ZNF536: variants seen among roughly 807,000 people sequenced by gnomAD.
The protein encoded by ZNF536 is zinc finger protein 536.
Under a neutral mutation model 84.5 loss-of-function variants are expected in ZNF536, and 13 were observed. The observed-to-expected ratio is 0.15, with a 90% CI of 0.10 to 0.24. The LOEUF is 0.24. Among genes scored for constraint, ZNF536 ranks in the 10% least tolerant of loss-of-function variants. The pLI, the probability that ZNF536 is intolerant of heterozygous loss-of-function variation, is 1.00. For missense variants in ZNF536, 1,536 were observed against 1,747.5 expected (o/e 0.88, Z 2.16); for synonymous variants, 811 against 742.5 (o/e 1.09, Z -1.50).
rs1011037043 is a variant in ZNF536 at position 30,623,474 on chromosome 19, C to T, written c.169+73960C>T. ...TTGCCACTATGCCCTGGCTTTGAGT[C>T]TTGCTATCTCTTGGCTCTCTGCCTT... On this transcript the variant is annotated intron_variant, in intron 1 of 1. Coordinates refer to the ZNF536 transcript ENST00000592773. Among the ~76,000 whole-genome samples, 3 of 152,396 alleles carry T rather than the reference C, an allele frequency of 2.0e-5. No homozygotes were observed. The East Asian group carries it at 5.8e-4, about 29-fold the overall frequency.
At chr19:30,669,106 A>G (rs1343497686) in intron 1 of ZNF536, among the ~76,000 whole-genome samples, 1 of 152,208 alleles carries the variant, frequency 6.6e-6, no homozygotes, top group African/African-American at 2.4e-5. Flanking sequence ...GAGCCCAGCT[A>G]GATCATTCCT....
chr19:30,583,073 C>T (rs565384553), intron 1 of ZNF536, among the ~76,000 whole-genome samples: 1 of 152,258 alleles, frequency 6.6e-6, no homozygotes, highest in South Asian at 2.1e-4. Context: ...CTCACTAGCT[C>T]CTTGATTGAC....
intron 1 of ZNF536, among the ~76,000 whole-genome samples, chr19:30,274,772 T>C (rs1184356659): frequency 6.6e-6 from 1 of 152,200 alleles, no homozygotes; most frequent in African/African-American, 2.4e-5. Context: ...AAGCAGAATA[T>C]CAGCACAGCA....
chr19:30,452,088 C>T (rs551409544), intron 2 of ZNF536, among the ~76,000 whole-genome samples: 1 of 152,084 alleles, frequency 6.6e-6, no homozygotes, highest in Admixed American at 6.5e-5. Context: ...ACAAGGTGTC[C>T]CTTGATTGAT....
intron 2 of ZNF536, among the ~76,000 whole-genome samples, chr19:30,487,029 T>C (rs1415521119): frequency 6.6e-6 from 1 of 152,168 alleles, no homozygotes; most frequent in Non-Finnish European, 1.5e-5. Context: ...AAACTGAAAC[T>C]CCTGCCTGCC....
intron 1 of ZNF536, among the ~76,000 whole-genome samples, chr19:30,601,808 C>A (rs758133349): frequency 1.1e-4 from 16 of 152,208 alleles, no homozygotes; most frequent in Admixed American, 2.0e-4. Flanking sequence ...CCAAGCCCTG[C>A]AGTTTGCTTG....
intron 2 of ZNF536, among the ~76,000 whole-genome samples, chr19:30,462,648 T>G (rs1164554672): frequency 1.3e-5 from 2 of 151,954 alleles, no homozygotes; most frequent in Non-Finnish European, 2.9e-5. Context: ...GGGTGTGCAA[T>G]TATGTTGCTG....
intron 1 of ZNF536, among the ~76,000 whole-genome samples, chr19:30,699,931 G>T (rs996908340): frequency 1.1e-4 from 17 of 152,314 alleles, no homozygotes; most frequent in Non-Finnish European, 2.2e-4. Flanking sequence ...GGCCGGCGGG[G>T]CCCACTCTGG....
At chr19:30,323,333 C>T (rs997640917) in intron 2 of ZNF536, among the ~76,000 whole-genome samples, 2 of 152,240 alleles carry the variant, frequency 1.3e-5, no homozygotes, top group Non-Finnish European at 2.9e-5. Flanking sequence ...TACCCTTTCT[C>T]CTCGGGCACT....
At chr19:30,432,415 T>A (rs2051514530) in intron 1 of ZNF536, among the ~76,000 whole-genome samples, 1 of 152,134 alleles carries the variant, frequency 6.6e-6, no homozygotes, top group Non-Finnish European at 1.5e-5. Flanking sequence ...GGAAGCAGGA[T>A]CACTTCCAGC....
At chr19:30,262,666 G>A (rs1321349522) in intron 1 of ZNF536, among the ~76,000 whole-genome samples, 1 of 152,182 alleles carries the variant, frequency 6.6e-6, no homozygotes, top group Non-Finnish European at 1.5e-5. Context: ...TGGCCAGGTG[G>A]TCAGAGGGAC....
At chr19:30,383,851 C>T (rs1436643642) in intron 1 of ZNF536, among the ~76,000 whole-genome samples, 19 of 128,082 alleles carry the variant, frequency 1.5e-4, no homozygotes, top group Non-Finnish European at 2.8e-4. Flanking sequence ...TCCTTCCTTC[C>T]TTCCTTCCTT....
intron 2 of ZNF536, among the ~76,000 whole-genome samples, chr19:30,480,278 C>A (rs28362119): frequency 0.074 from 11,197 of 152,188 alleles, 1,061 homozygotes; most frequent in African/African-American, 0.22. Flanking sequence ...TCCCCGGGAC[C>A]TCTCCTTGCA....
At chr19:30,274,727 C>T (rs1344055039) in intron 1 of ZNF536, among the ~76,000 whole-genome samples, 1 of 152,170 alleles carries the variant, frequency 6.6e-6, no homozygotes, top group Non-Finnish European at 1.5e-5. Context: ...AGCATGACAC[C>T]TGCTAGATGT....
At chr19:30,379,182 C>T (rs2048926520) in intron 1 of ZNF536, among the ~76,000 whole-genome samples, 1 of 152,192 alleles carries the variant, frequency 6.6e-6, no homozygotes. Context: ...TAGAGCTTTC[C>T]TGACAATACC....
At chr19:30,409,732 T>TATTC (rs1189548690) in intron 1 of ZNF536, among the ~76,000 whole-genome samples, 1 of 152,250 alleles carries the variant, frequency 6.6e-6, no homozygotes, top group Non-Finnish European at 1.5e-5. Context: ...CCTTTCCTTA[T>TATTC]ATTCCTTCAA....
chr19:30,558,130 G>C (rs1282493914), downstream of ZNF536: 1 of 152,100 alleles, frequency 6.6e-6, no homozygotes, highest in Non-Finnish European at 1.5e-5. Context: ...TCTCACTGTT[G>C]GAAGCCTCAA....
At chr19:30,297,411 C>A (rs891157338) in intron 2 of ZNF536, among the ~76,000 whole-genome samples, 1 of 152,122 alleles carries the variant, frequency 6.6e-6, no homozygotes, top group African/African-American at 2.4e-5. Flanking sequence ...TAAGCCACTT[C>A]TTTTTGAACC....
intron 2 of ZNF536, among the ~76,000 whole-genome samples, chr19:30,530,645 C>G (rs141659635): frequency 2.0e-4 from 31 of 152,302 alleles, no homozygotes; most frequent in African/African-American, 6.3e-4. Context: ...CCATGCCCAG[C>G]CAATACCTCT....
Sources: gnomAD v4.1 joint callset for allele counts (sites outside exome capture counted in the v4.1 genomes callset) on GRCh38, gnomAD v4.1.1 for gene constraint, MANE v1.5 for transcripts, NCBI Gene and HGNC (gene_info 2026-07-23, HGNC 2026-07-21) for gene names.